The following ANKH variants were observed in gnomAD, a reference collection of about 807,000 sequenced individuals.
ANKH encodes ANKH inorganic pyrophosphate transport regulator, also known as mineralization regulator ANKH.
Under a neutral mutation model 49.0 loss-of-function variants are expected in ANKH, and 15 were observed. The ratio of observed to expected loss-of-function variants is 0.31; its 90% CI spans 0.20 to 0.47. The LOEUF is 0.47. Among genes scored for constraint, ANKH ranks in the 20% least tolerant of loss-of-function variants. The pLI is 1.00. For synonymous variants in ANKH, 273 were observed against 260.0 expected, an observed-to-expected ratio of 1.05 and a Z score of -0.48; for missense variants, 429 against 652.0, an observed-to-expected ratio of 0.66 and a Z score of 3.72.
chr5:14,747,841 C>T (rs767035671), intron 6 of ANKH, among the ~76,000 whole-genome samples: 11 of 152,114 alleles, frequency 7.2e-5, no homozygotes, highest in Non-Finnish European at 1.3e-4. Context: ...TGGATCCAAA[C>T]CTTCACCTCA....
intron 1 of ANKH, among the ~76,000 whole-genome samples, chr5:14,800,778 G>A (rs963632665): frequency 1.4e-4 from 20 of 147,588 alleles, no homozygotes; most frequent in Non-Finnish European, 2.2e-4. Context: ...CCAGGTTGGA[G>A]TACAGTGATG....
At chr5:14,739,732 T>C (rs1248368192) in intron 8 of ANKH, among the ~76,000 whole-genome samples, 1 of 152,220 alleles carries the variant, frequency 6.6e-6, no homozygotes, top group East Asian at 1.9e-4. Flanking sequence ...GCCGGTTCTA[T>C]TACTGGATAC....
intron 1 of ANKH, among the ~76,000 whole-genome samples, chr5:14,867,155 C>CAAAAAAA (rs774841903): frequency 1.4e-5 from 1 of 69,264 alleles, no homozygotes; most frequent in African/African-American, 4.6e-5. Context: ...GACTCAGTCT[C>CAAAAAAA]AAAAAAAAAA....
rs548483553 is a variant in ANKH, at chr5:14,726,825, G to T, written c.1012-9990C>A. On this transcript the variant is annotated intron_variant, in intron 8 of 11. Transcript: ENST00000284268. ...AGTAGCAAATGACTCCCATTTCTGG[G>T]GAACGGTGCTTAAGGTGTGCATACC... 7.1e-4 allele frequency among the ~76,000 whole-genome samples: 108 copies of T among 152,360 alleles called. 1 individual carries two copies. The highest frequency in any genetic ancestry group is 1.4e-3 in the Non-Finnish European group (94 of 68,044).
In ANKH at chr5:14,792,997, T is replaced by A. The variant is rs1479311318; in HGVS notation, c.97-23806A>T. On this transcript the variant is annotated intron_variant, in intron 1 of 11. Transcript: ENST00000284268. ...CATCATATATATATATAAAAATATA[T>A]ATATATATAAATATATATATATAAA... Among the ~76,000 whole-genome samples, 93 of 69,518 alleles carry A rather than the reference T, an allele frequency of 1.3e-3. 1 individual carries two copies. Among genetic ancestry groups the A allele is most frequent in the Middle Eastern group, 6.0e-3 (1 of 168 alleles). 45.6% of individuals were successfully genotyped at this position (69,518 alleles called of 152,430 possible).
At chr5:14,757,430 A>ATATATATATATTTTTTTT (rs1379233165) in intron 3 of ANKH, among the ~76,000 whole-genome samples, 1 of 113,814 alleles carries the variant, frequency 8.8e-6, no homozygotes, top group African/African-American at 3.3e-5. Context: ...ATATATATAT[A>ATATATATATATTTTTTTT]TTTTTTTTTT....
intron 9 of ANKH, among the ~76,000 whole-genome samples, chr5:14,715,259 G>A (rs947245054): frequency 3.9e-5 from 6 of 152,230 alleles, no homozygotes; most frequent in African/African-American, 1.4e-4. Flanking sequence ...AGCCTCCTGA[G>A]TAGCTGGGAT....
chr5:14,789,457 A>T, intron 1 of ANKH, among the ~76,000 whole-genome samples: 1 of 103,420 alleles, frequency 9.7e-6, no homozygotes. Flanking sequence ...GGTGGTGATA[A>T]AAAAAAAAAA....
rs1737169672 is a variant in ANKH at position 14,711,124 on chromosome 5, G to A, written c.*73C>T. On this transcript the variant is annotated 3_prime_UTR_variant, in exon 12 of 12. Transcript: ENST00000284268. ...CAAAAAAAAGGGAACAAAATACGAT[G>A]GGAGAGGGAAGAGATGATGCCGAAG... is the stretch of plus-strand genomic sequence containing the variant. The A allele has an allele frequency of 8.0e-7, 1 of 1,253,098 alleles. No individual in the cohort carries two copies. The highest frequency in any genetic ancestry group is 1.5e-5 in the African/African-American group (1 of 67,838). 77.6% of individuals were successfully genotyped at this position (1,253,098 alleles called of 1,614,324 possible).
chr5:14,808,337 C>T (rs1323946565), intron 1 of ANKH, among the ~76,000 whole-genome samples: 2 of 152,106 alleles, frequency 1.3e-5, no homozygotes, highest in African/African-American at 2.4e-5. Context: ...ACTTTATAAA[C>T]AGAAGATAAA....
intron 1 of ANKH, chr5:14,869,269 G>A (rs1045643080): frequency 6.6e-6 from 1 of 152,204 alleles, no homozygotes; most frequent in Non-Finnish European, 1.5e-5. Context: ...GCTGAAAAGA[G>A]TAAGTCAGTC....
intron 1 of ANKH, among the ~76,000 whole-genome samples, chr5:14,783,789 T>C (rs559718498): frequency 6.6e-6 from 1 of 152,338 alleles, no homozygotes; most frequent in Non-Finnish European, 1.5e-5. Context: ...TTGCTAAAGA[T>C]GGGAAAATGA....
intron 1 of ANKH, among the ~76,000 whole-genome samples, chr5:14,826,682 G>A (rs947773766): frequency 6.6e-5 from 10 of 152,130 alleles, no homozygotes; most frequent in Non-Finnish European, 1.3e-4. Flanking sequence ...CTGAATTTCG[G>A]CATGAACACT....
In ANKH at chr5:14,741,830, G is replaced by A. The variant is rs1250293146; in HGVS notation, c.1008C>T (p.Leu336=). ...KFTFVCMALS[L]TLCFVMFWTP... is the part of the protein sequence containing the mutation. ...CAGAGAGAGCCTCTGTCCTTACCGT[G>A]AGTGACAGAGCCATGCAGACGAAGG... Residue 336 remains leucine, a synonymous_variant, in exon 8 of 12, where the codon CTC becomes CTT. Transcript: ENST00000284268. 3.7e-6 allele frequency: 6 copies of A among 1,612,426 alleles called. No homozygotes were observed. In the South Asian group the frequency reaches 6.6e-5, roughly 18 times the overall value.
At chr5:14,821,573 AT>A (rs1224216593) in intron 1 of ANKH, among the ~76,000 whole-genome samples, 1 of 152,242 alleles carries the variant, frequency 6.6e-6, no homozygotes, top group Non-Finnish European at 1.5e-5. Flanking sequence ...TTGAAATGGC[AT>A]TAATGTACCA....
intron 1 of ANKH, among the ~76,000 whole-genome samples, chr5:14,788,477 T>C (rs1315724334): frequency 6.6e-6 from 1 of 152,238 alleles, no homozygotes; most frequent in Non-Finnish European, 1.5e-5. Context: ...TCACATCGTG[T>C]ACATTGTTCA....
chr5:14,804,959 G>T (rs1740662453), intron 1 of ANKH, among the ~76,000 whole-genome samples: 1 of 152,174 alleles, frequency 6.6e-6, no homozygotes, highest in South Asian at 2.1e-4. Context: ...AGCTAGAGAT[G>T]ACCAAGGTTT....
At chr5:14,843,115 C>T (rs906946250) in intron 1 of ANKH, among the ~76,000 whole-genome samples, 3 of 152,044 alleles carry the variant, frequency 2.0e-5, no homozygotes, top group East Asian at 3.9e-4. Flanking sequence ...AGCAGCAGCC[C>T]ATCTCCTGGG....
intron 1 of ANKH, among the ~76,000 whole-genome samples, chr5:14,842,757 C>T (rs1741849531): frequency 6.6e-6 from 1 of 152,172 alleles, no homozygotes; most frequent in Non-Finnish European, 1.5e-5. Flanking sequence ...GTATGAACGA[C>T]ACACTGAAGT....
Sources: allele counts gnomAD v4.1 joint callset (sites outside exome capture counted in the v4.1 genomes callset), GRCh38; gene constraint gnomAD v4.1.1; transcripts MANE v1.5; gene names NCBI Gene and HGNC (gene_info 2026-07-23, HGNC 2026-07-21).